CACNG5: variants seen among roughly 807,000 people sequenced by gnomAD.
CACNG5 encodes voltage-dependent calcium channel gamma-5 subunit.
CACNG5 carries 18 observed loss-of-function variants against 24.8 expected under a neutral mutation model. The observed-to-expected ratio is 0.73, with a 90% CI of 0.50 to 1.08. The LOEUF (loss-of-function observed/expected upper bound fraction) is 1.08, where lower values mean the gene tolerates loss of function less well. Ranked by LOEUF, CACNG5 falls within the 50% of genes least tolerant of loss-of-function variation. The pLI is 0.00. For missense variants in CACNG5, 349 were observed against 367.9 expected (o/e 0.95, Z 0.42); for synonymous variants, 157 against 149.1 (o/e 1.05, Z -0.39).
chr17:66,859,112 G>C (rs1197548520), intron 1 of CACNG5, among the ~76,000 whole-genome samples: 1 of 152,226 alleles, frequency 6.6e-6, no homozygotes, highest in African/African-American at 2.4e-5. Context: ...AGTCACGGGG[G>C]CAGAGATGGG....
intron 1 of CACNG5, among the ~76,000 whole-genome samples, chr17:66,847,985 G>A (rs1042272184): frequency 3.3e-5 from 5 of 152,202 alleles, no homozygotes; most frequent in African/African-American, 9.6e-5. Context: ...GGGGTCAGGT[G>A]GGCCCCCACT....
intron 1 of CACNG5, among the ~76,000 whole-genome samples, chr17:66,851,651 T>C (rs1002603066): frequency 2.0e-5 from 3 of 152,186 alleles, no homozygotes. Flanking sequence ...AGCTTGTTGT[T>C]TGTAAGAGCT....
At chr17:66,854,061 A>C (rs1323044604) in intron 1 of CACNG5, among the ~76,000 whole-genome samples, 1 of 152,192 alleles carries the variant, frequency 6.6e-6, no homozygotes, top group Admixed American at 6.5e-5. Flanking sequence ...TGCAAGACCA[A>C]CATATGTAAA....
At chr17:66,855,426 G>A (rs890664831) in intron 1 of CACNG5, among the ~76,000 whole-genome samples, 1 of 152,176 alleles carries the variant, frequency 6.6e-6, no homozygotes, top group Non-Finnish European at 1.5e-5. Context: ...CCTCTTCCCT[G>A]GTTGGGCATT....
At chr17:66,879,351 A>T (rs1255308801) in intron 3 of CACNG5, among the ~76,000 whole-genome samples, 2 of 150,776 alleles carry the variant, frequency 1.3e-5, no homozygotes, top group Non-Finnish European at 3.0e-5. Context: ...TTCTGCCCCC[A>T]GTATGAATTT....
intron 1 of CACNG5, among the ~76,000 whole-genome samples, chr17:66,838,817 C>G (rs538259309): frequency 2.0e-5 from 3 of 152,096 alleles, no homozygotes; most frequent in African/African-American, 7.2e-5. Flanking sequence ...AATGGGGATA[C>G]GACTGGAGTA....
At chr17:66,838,666 C>T (rs1976517509) in intron 1 of CACNG5, among the ~76,000 whole-genome samples, 1 of 152,048 alleles carries the variant, frequency 6.6e-6, no homozygotes, top group Admixed American at 6.5e-5. Flanking sequence ...ACCCAAGGGA[C>T]CATCCTTAAG....
At chr17:66,840,101 G>A (rs1976545491) in intron 1 of CACNG5, among the ~76,000 whole-genome samples, 1 of 152,198 alleles carries the variant, frequency 6.6e-6, no homozygotes, top group Non-Finnish European at 1.5e-5. Context: ...GGCGACCGGT[G>A]ATCTCCGCTT....
intron 1 of CACNG5, among the ~76,000 whole-genome samples, chr17:66,854,584 C>T (rs1976746382): frequency 6.6e-6 from 1 of 151,388 alleles, no homozygotes; most frequent in South Asian, 2.1e-4. Context: ...ATCCTAGCTA[C>T]TCAGGAGGCT....
At chr17:66,854,256 C>T (rs960641151) in intron 1 of CACNG5, among the ~76,000 whole-genome samples, 5 of 151,964 alleles carry the variant, frequency 3.3e-5, no homozygotes, top group South Asian at 2.1e-4. Flanking sequence ...GGTGAAACCC[C>T]GTCTCTACTA....
At chr17:66,847,947 C>A (rs1976658962) in intron 1 of CACNG5, among the ~76,000 whole-genome samples, 1 of 152,220 alleles carries the variant, frequency 6.6e-6, no homozygotes, top group Admixed American at 6.5e-5. Flanking sequence ...GGAGCCCAGA[C>A]CCTTGGCCGG....
rs770809783 is a variant in CACNG5 at position 66,888,543 on chromosome 17, CAAAAAAA to C, written c.*3320_*3326del. 1.6e-5 allele frequency among the ~76,000 whole-genome samples: 1 copy of C among 62,638 alleles called. No homozygotes were observed. Among genetic ancestry groups the C allele is most frequent in the African/African-American group, 5.6e-5 (1 of 17,982 alleles). The allele number at this position is 62,638 out of a possible 152,430, so 41.1% of individuals were successfully genotyped here. A position where few individuals can be genotyped will look rare whatever the true frequency, so the allele number is the denominator to read the frequency against. ...TGGGTGACAGAGCGAGACTCCGTCT[CAAAAAAA>C]AAAAAAAAAAAAAAAAGAGTTAAAG... On this transcript the variant is annotated 3_prime_UTR_variant, in exon 6 of 6. Transcript: ENST00000533854.
rs555323056 is a variant in CACNG5, at chr17:66,885,549, G to A, written c.*309G>A. On this transcript the variant is annotated 3_prime_UTR_variant, in exon 6 of 6. Coordinates refer to ENST00000533854, the MANE Select transcript of CACNG5 (RefSeq NM_145811.3). ...GCTCCCCCCAAGCCCAGGAGACACCGATGTTCCCTTTGTATATTCTTCCTG... is the reference window on the plus strand; with the variant it reads ...GCTCCCCCCAAGCCCAGGAGACACCAATGTTCCCTTTGTATATTCTTCCTG... The A allele has an allele frequency of 5.9e-5, 22 of 370,822 alleles. No homozygotes were observed. The highest frequency in any genetic ancestry group is 9.2e-5 in the Non-Finnish European group (19 of 205,938). 23.0% of individuals were successfully genotyped at this position (370,822 alleles called of 1,614,324 possible).
chr17:66,880,923 A>C (rs1180742764), intron 4 of CACNG5, among the ~76,000 whole-genome samples: 2 of 151,944 alleles, frequency 1.3e-5, no homozygotes, highest in Admixed American at 1.3e-4. Context: ...ATTTTTAGTA[A>C]AGATGGGGTT....
rs185229658 is a variant in CACNG5 at position 66,892,050 on chromosome 17, T to C, written c.*6810T>C. Among the ~76,000 whole-genome samples, 19 of 152,362 alleles carry C rather than the reference T, an allele frequency of 1.2e-4. No individual in the cohort carries two copies. Among genetic ancestry groups the C allele is most frequent in the African/African-American group, 4.6e-4 (19 of 41,588 alleles). On this transcript the variant is annotated 3_prime_UTR_variant, in exon 6 of 6. Transcript: ENST00000533854. The stretch of plus-strand genomic sequence containing the variant: ...TTAGACCTACTGGGATTTATCACTG[T>C]AGCTGGGGATAAGGCCACCTTCTGA...
At chr17:66,849,386 G>GA (rs1976682015) in intron 1 of CACNG5, among the ~76,000 whole-genome samples, 1 of 152,180 alleles carries the variant, frequency 6.6e-6, no homozygotes. Context: ...GCCAGCCCAG[G>GA]AAGGCAGGGC....
At chr17:66,844,123 G>A (rs988990324) in intron 1 of CACNG5, among the ~76,000 whole-genome samples, 5 of 152,126 alleles carry the variant, frequency 3.3e-5, no homozygotes, top group African/African-American at 1.2e-4. Flanking sequence ...AGTAATGCTA[G>A]GAGCTAATAC....
At chr17:66,866,690 G>C (rs1216392182) in intron 1 of CACNG5, among the ~76,000 whole-genome samples, 1 of 152,008 alleles carries the variant, frequency 6.6e-6, no homozygotes, top group Non-Finnish European at 1.5e-5. Flanking sequence ...TCATTGTTCA[G>C]CTCCCACTTA....
In CACNG5 at chr17:66,885,404, T is replaced by C; in HGVS notation, c.*164T>C. 1 of 807,828 alleles carries C rather than the reference T, an allele frequency of 1.2e-6. No individual in the cohort carries two copies. Among genetic ancestry groups the C allele is most frequent in the African/African-American group, 1.7e-5 (1 of 57,734 alleles). 50.0% of individuals were successfully genotyped at this position (807,828 alleles called of 1,614,324 possible). On this transcript the variant is annotated 3_prime_UTR_variant, in exon 6 of 6. Transcript: ENST00000533854. ...TCTCCCTGCTTCTCCAGAAGGGCTC[T>C]AACTGCCCCAGCATGGGTGTGGGAG... is the stretch of plus-strand genomic sequence containing the variant.
Sources: gnomAD v4.1 joint callset for allele counts (sites outside exome capture counted in the v4.1 genomes callset) on GRCh38, gnomAD v4.1.1 for gene constraint, MANE v1.5 for transcripts, NCBI Gene and HGNC (gene_info 2026-07-23, HGNC 2026-07-21) for gene names.